The following ACOXL variants were observed in gnomAD, a reference collection of about 807,000 sequenced individuals.
The protein encoded by ACOXL is acyl-coenzyme A oxidase-like protein.
A neutral mutation model predicts 71.9 loss-of-function variants in ACOXL; 70 were observed. That is an observed-to-expected ratio of 0.97 (90% CI 0.80 to 1.19). ACOXL has a LOEUF of 1.19. Ranked by LOEUF, ACOXL falls within the 50% of genes most tolerant of loss-of-function variation. The probability of loss-of-function intolerance (pLI) is 0.00; values close to 1 mark genes in which losing one functional copy is unlikely to be tolerated. For missense variants in ACOXL, 703 were observed against 736.3 expected (o/e 0.95, Z 0.52); for synonymous variants, 253 against 281.6 (o/e 0.90, Z 1.02).
At chr2:111,093,121 CG>C (rs1409322573) in intron 17 of ACOXL, among the ~76,000 whole-genome samples, 155 bp downstream of exon 17, 1 of 151,088 alleles carries the variant, frequency 6.6e-6, no homozygotes, top group African/African-American at 2.4e-5. Context: ...CTATCATGAT[CG>C]TATTACACTT....
At chr2:111,072,601 G>A (rs1042897714) in intron 16 of ACOXL, among the ~76,000 whole-genome samples, 4 of 152,224 alleles carry the variant, frequency 2.6e-5, no homozygotes, top group African/African-American at 7.2e-5. Flanking sequence ...CAAGGACCAA[G>A]TTTCTTACCT....
chr2:110,734,558 C>T (rs111926911), intron 1 of ACOXL, among the ~76,000 whole-genome samples: 1 of 152,036 alleles, frequency 6.6e-6, no homozygotes, highest in African/African-American at 2.4e-5. Flanking sequence ...TAATTCTTAA[C>T]AGTGCAAAGA....
In ACOXL at chr2:110,886,046, C is replaced by T. The variant is rs551819913; in HGVS notation, c.789-22743C>T. Among the ~76,000 whole-genome samples the T allele has an allele frequency of 5.3e-5, 8 of 152,144 alleles. No individual in the cohort carries two copies. The South Asian group carries it at 1.7e-3, about 32-fold the overall frequency. ...TAAATAATTTTAAAAATTATTTTGTCCAGAAGTATATTTTTGGGATTTTTA... is the reference window on the plus strand; with the variant it reads ...TAAATAATTTTAAAAATTATTTTGTTCAGAAGTATATTTTTGGGATTTTTA... On this transcript the variant is annotated intron_variant, in intron 10 of 17. Transcript: ENST00000439055.
chr2:111,095,399 T>TTG (rs922409360), intron 17 of ACOXL, among the ~76,000 whole-genome samples: 2 of 145,742 alleles, frequency 1.4e-5, no homozygotes, highest in African/African-American at 5.0e-5. Context: ...TTCTTTTTTT[T>TTG]TTTTTTTTTT....
At chr2:110,849,498 C>T (rs1403277870) in intron 10 of ACOXL, among the ~76,000 whole-genome samples, 3 of 152,194 alleles carry the variant, frequency 2.0e-5, no homozygotes, top group Non-Finnish European at 4.4e-5. Flanking sequence ...TGGTTCACGC[C>T]TGTAATCCCA....
intron 1 of ACOXL, among the ~76,000 whole-genome samples, chr2:110,752,659 C>G (rs1293191891): frequency 6.6e-6 from 1 of 151,618 alleles, no homozygotes; most frequent in African/African-American, 2.4e-5. Context: ...ACTCATGCCT[C>G]TGTTCTTGTT....
intron 5 of ACOXL, 65 bp downstream of exon 5, chr2:110,794,239 T>C: frequency 6.8e-7 from 1 of 1,469,572 alleles, no homozygotes; most frequent in Non-Finnish European, 9.5e-7. Flanking sequence ...ACAGATCTCC[T>C]TCTTTCTGTG....
Position 110,878,485 on chromosome 2 carries a change from C to T in ACOXL, c.789-30304C>T, listed in dbSNP as rs115682529. On this transcript the variant is annotated intron_variant, in intron 10 of 17. Coordinates refer to ENST00000439055, the MANE Select transcript of ACOXL (RefSeq NM_001142807.4). ...ATGCAAGAAATAGGAAATGCAGGCC[C>T]GGTGCAATGGCTCATGCCTGTAATT... Among the ~76,000 whole-genome samples, 1,080 of 152,252 alleles carry T rather than the reference C, an allele frequency of 7.1e-3. 19 individuals carry two copies. The highest frequency in any genetic ancestry group is 0.024 in the African/African-American group (1,000 of 41,560).
chr2:110,761,511 A>G (rs1680396673), intron 1 of ACOXL, among the ~76,000 whole-genome samples: 1 of 152,234 alleles, frequency 6.6e-6, no homozygotes, highest in Non-Finnish European at 1.5e-5. Flanking sequence ...GATGCCATTT[A>G]TATTCCAGAG....
Position 111,084,303 on chromosome 2 carries a change from AC to A in ACOXL, c.1441-8561del, listed in dbSNP as rs2068089638. On this transcript the variant is annotated intron_variant, in intron 16 of 17. Coordinates refer to ENST00000439055, the MANE Select transcript of ACOXL (RefSeq NM_001142807.4). ...CACACACACACACACACACACACACACACACAAGAAGTGGAAGGATTGTGGG... is the reference window on the plus strand; with the variant it reads ...CACACACACACACACACACACACACAACACAAGAAGTGGAAGGATTGTGGG... 2.8e-5 allele frequency among the ~76,000 whole-genome samples: 4 copies of A among 145,148 alleles called. No individual in the cohort carries two copies. The South Asian group carries it at 8.6e-4, about 31-fold the overall frequency.
chr2:110,922,528 C>T (rs2060117891), intron 11 of ACOXL, among the ~76,000 whole-genome samples: 1 of 152,098 alleles, frequency 6.6e-6, no homozygotes, highest in Non-Finnish European at 1.5e-5. Flanking sequence ...GAAAGAGCTG[C>T]TATATATTCT....
At chr2:110,989,860 G>A (rs2063100296) in intron 13 of ACOXL, among the ~76,000 whole-genome samples, 1 of 152,050 alleles carries the variant, frequency 6.6e-6, no homozygotes, top group Non-Finnish European at 1.5e-5. Flanking sequence ...GGGCAACATG[G>A]TGAAACCCCG....
chr2:110,983,264 G>A (rs2062793143), intron 12 of ACOXL, among the ~76,000 whole-genome samples: 1 of 152,212 alleles, frequency 6.6e-6, no homozygotes, highest in Non-Finnish European at 1.5e-5. Flanking sequence ...AGGAAATGCT[G>A]GTTGCTTCAT....
At chr2:111,072,341 T>C (rs1288503380) in intron 16 of ACOXL, among the ~76,000 whole-genome samples, 1 of 152,210 alleles carries the variant, frequency 6.6e-6, no homozygotes, top group Non-Finnish European at 1.5e-5. Flanking sequence ...AATCATACAA[T>C]CTGTAAACTT....
chr2:111,112,376 G>C (rs903481312), intron 17 of ACOXL, among the ~76,000 whole-genome samples: 1 of 152,172 alleles, frequency 6.6e-6, no homozygotes, highest in Non-Finnish European at 1.5e-5. Context: ...GTAGTTGTTG[G>C]GTAAATTGAG....
chr2:110,834,566 C>T (rs1431313456), intron 9 of ACOXL, among the ~76,000 whole-genome samples: 3 of 152,260 alleles, frequency 2.0e-5, no homozygotes, highest in African/African-American at 7.2e-5. Flanking sequence ...AAGTAAGCAG[C>T]TCTGTCCTGC....
intron 12 of ACOXL, among the ~76,000 whole-genome samples, chr2:110,953,959 T>C (rs6750439): frequency 0.5 from 76,682 of 152,086 alleles, 19,531 homozygotes; most frequent in Middle Eastern, 0.57. Flanking sequence ...GCTGCTCCAG[T>C]TGGACATGAG....
chr2:110,936,086 T>C (rs2060652783), intron 12 of ACOXL, among the ~76,000 whole-genome samples: 1 of 152,258 alleles, frequency 6.6e-6, no homozygotes, highest in East Asian at 1.9e-4. Context: ...CGGTTCCTAA[T>C]AGGCCATGGT....
chr2:110,946,220 G>A (rs1476532829), intron 12 of ACOXL, among the ~76,000 whole-genome samples: 1 of 152,166 alleles, frequency 6.6e-6, no homozygotes, highest in Non-Finnish European at 1.5e-5. Context: ...ACTGATTTTT[G>A]TACATCAATT....
Sources: allele counts gnomAD v4.1 joint callset (sites outside exome capture counted in the v4.1 genomes callset), GRCh38; gene constraint gnomAD v4.1.1; transcripts MANE v1.5; gene names NCBI Gene and HGNC (gene_info 2026-07-23, HGNC 2026-07-21).